Variants in KLF5 observed in about 807,000 individuals in gnomAD.
KLF5 encodes the protein KLF transcription factor 5, also known as Krueppel-like factor 5.
In KLF5, 9 loss-of-function variants were observed where a neutral mutation model predicts 36.9. The ratio of observed to expected loss-of-function variants is 0.24; its 90% CI spans 0.15 to 0.43. KLF5 has a LOEUF of 0.43. Ranked by LOEUF, KLF5 falls within the 20% of genes least tolerant of loss-of-function variation. The probability of loss-of-function intolerance (pLI) is 1.00; values close to 1 mark genes in which losing one functional copy is unlikely to be tolerated. For synonymous variants in KLF5, 246 were observed against 241.7 expected (o/e 1.02, Z -0.17); for missense variants, 524 against 599.5 (o/e 0.87, Z 1.31).
rs1268216525 is a variant in KLF5 at position 73,059,595 on chromosome 13, A to G, written c.261+7A>G. 4.4e-6 allele frequency: 5 copies of G among 1,147,988 alleles called. No individual in the cohort carries two copies. Among genetic ancestry groups the G allele is most frequent in the African/African-American group, 1.6e-5 (1 of 61,458 alleles). The allele number at this position is 1,147,988 out of a possible 1,614,324, so 71.1% of individuals were successfully genotyped here. On this transcript the variant is annotated splice_region_variant and intron_variant, in intron 1 of 3. Transcript: ENST00000377687. Reference sequence around the variant, plus strand: ...TCCAGAGGACCTGGTCCAGGTAGGAAGAGCCGCTCCCCTCCCACCGCAGCA... The same window carrying G: ...TCCAGAGGACCTGGTCCAGGTAGGAGGAGCCGCTCCCCTCCCACCGCAGCA...
intron 3 of KLF5, among the ~76,000 whole-genome samples, chr13:73,068,833 C>T (rs950266962): frequency 1.5e-4 from 22 of 151,556 alleles, no homozygotes; most frequent in African/African-American, 2.9e-4. Context: ...TGGCGGCTCA[C>T]GCCTGTAATC....
At position 73,077,490 on chromosome 13, in the gene KLF5, A is replaced by G. The variant is rs919250014; in HGVS notation, c.*1604A>G. The G allele has an allele frequency of 6.6e-6, 1 of 152,630 alleles. No individual in the cohort carries two copies. Among genetic ancestry groups the G allele is most frequent in the African/African-American group, 2.4e-5 (1 of 41,446 alleles). 9.5% of individuals were successfully genotyped at this position (152,630 alleles called of 1,614,324 possible). On this transcript the variant is annotated 3_prime_UTR_variant, in exon 4 of 4. Coordinates refer to ENST00000377687, the MANE Select transcript of KLF5 (RefSeq NM_001730.5). ...AATTTTTTGAGAGAATGAGATGTTTATATATTAACGACAATTTTTTTTTTG... is the reference window on the plus strand; with the variant it reads ...AATTTTTTGAGAGAATGAGATGTTTGTATATTAACGACAATTTTTTTTTTG...
chr13:73,058,001 T>C (rs1216141039), upstream of KLF5, among the ~76,000 whole-genome samples: 5 of 152,260 alleles, frequency 3.3e-5, no homozygotes, highest in Admixed American at 3.3e-4. Context: ...CTGCTCTGTG[T>C]CTATGTTTGC....
chr13:73,057,444 T>C (rs948189330), upstream of KLF5, among the ~76,000 whole-genome samples: 2 of 152,160 alleles, frequency 1.3e-5, no homozygotes, highest in African/African-American at 4.8e-5. Context: ...AATAATACTT[T>C]GATAACATGA....
At chr13:73,062,887 A>C (rs2044650359) in intron 2 of KLF5, among the ~76,000 whole-genome samples, 153 bp downstream of exon 2, 1 of 149,544 alleles carries the variant, frequency 6.7e-6, no homozygotes, top group East Asian at 1.9e-4. Flanking sequence ...AAAAAAAAAA[A>C]ATTACCTTTT....
intron 3 of KLF5, among the ~76,000 whole-genome samples, chr13:73,066,100 A>ATTGTTTT (rs2044677860): frequency 6.6e-6 from 1 of 152,168 alleles, no homozygotes; most frequent in Non-Finnish European, 1.5e-5. Flanking sequence ...AGTTTAATAA[A>ATTGTTTT]GTTTTGTTTG....
intron 1 of KLF5, among the ~76,000 whole-genome samples, chr13:73,061,059 T>TA (rs1258874773): frequency 6.6e-6 from 1 of 151,994 alleles, no homozygotes; most frequent in Non-Finnish European, 1.5e-5. Flanking sequence ...GTGCTAGGGA[T>TA]ACAGCAGCCT....
At chr13:73,065,311 A>G (rs990212603) in intron 3 of KLF5, among the ~76,000 whole-genome samples, 5 of 152,236 alleles carry the variant, frequency 3.3e-5, no homozygotes, top group African/African-American at 1.2e-4. Flanking sequence ...CCTAAGAGGA[A>G]TATGGTTGCA....
intron 3 of KLF5, among the ~76,000 whole-genome samples, chr13:73,069,234 T>C (rs1005994872): frequency 3.3e-5 from 5 of 152,202 alleles, no homozygotes; most frequent in Admixed American, 2.6e-4. Context: ...GGGAAAAGGG[T>C]AAAAGGCTTT....
intron 1 of KLF5, chr13:73,060,781 C>G (rs888933600): frequency 9.2e-5 from 14 of 152,168 alleles, no homozygotes; most frequent in African/African-American, 2.7e-4. Flanking sequence ...TCTTATCTTT[C>G]GAAATTTCCT....
intron 3 of KLF5, among the ~76,000 whole-genome samples, chr13:73,074,083 A>G (rs925673722): frequency 6.6e-6 from 1 of 152,198 alleles, no homozygotes; most frequent in South Asian, 2.1e-4. Context: ...AATCCATACC[A>G]TGGGAAATGT....
chr13:73,066,162 C>T (rs1053037894), intron 3 of KLF5, among the ~76,000 whole-genome samples: 2 of 152,162 alleles, frequency 1.3e-5, no homozygotes, highest in African/African-American at 4.8e-5. Context: ...GTTCATCTGG[C>T]TAAACCTGTT....
rs1254123916 is a variant in KLF5, at chr13:73,076,237, C to G, written c.*351C>G. 1 of 193,062 alleles carries G rather than the reference C, an allele frequency of 5.2e-6. No individual in the cohort carries two copies. The highest frequency in any genetic ancestry group is 1.0e-5 in the Non-Finnish European group (1 of 95,642). 12.0% of individuals were successfully genotyped at this position (193,062 alleles called of 1,614,324 possible). A position where few individuals can be genotyped will look rare whatever the true frequency, so the allele number is the denominator to read the frequency against. ...ATTTAATGTGACAGTGTTCAGTAAACAAATCAGTTGGCAGGCACCAGAAGA... is the reference window on the plus strand; with the variant it reads ...ATTTAATGTGACAGTGTTCAGTAAAGAAATCAGTTGGCAGGCACCAGAAGA... On this transcript the variant is annotated 3_prime_UTR_variant, in exon 4 of 4. Transcript: ENST00000377687.
At chr13:73,056,726 T>A (rs1244095893), upstream of KLF5, among the ~76,000 whole-genome samples, 1 of 152,202 alleles carries the variant, frequency 6.6e-6, no homozygotes, top group Non-Finnish European at 1.5e-5. Flanking sequence ...AGCAGGGCAT[T>A]TCAGAGAAAC....
chr13:73,068,391 A>T (rs1032472045), intron 3 of KLF5, among the ~76,000 whole-genome samples: 2 of 152,152 alleles, frequency 1.3e-5, no homozygotes, highest in Non-Finnish European at 2.9e-5. Flanking sequence ...TTTGGGTACT[A>T]AAAGATCCTT....
chr13:73,061,794 C>T (rs1209939013), intron 1 of KLF5, 67 bp from the exon 2 acceptor site: 9 of 1,487,072 alleles, frequency 6.1e-6, no homozygotes, highest in African/African-American at 4.2e-5. Context: ...TAGTAGGCGC[C>T]GATTGTTCGT....
intron 1 of KLF5, among the ~76,000 whole-genome samples, chr13:73,061,239 ATTG>A (rs1165822857): frequency 1.3e-5 from 2 of 152,220 alleles, no homozygotes; most frequent in African/African-American, 2.4e-5. Flanking sequence ...TGAATGTGAA[ATTG>A]TTTTGTTTCA....
At chr13:73,057,721 T>C (rs2044591579), upstream of KLF5, among the ~76,000 whole-genome samples, 1 of 152,222 alleles carries the variant, frequency 6.6e-6, no homozygotes, top group Non-Finnish European at 1.5e-5. Flanking sequence ...ATGAATAGGC[T>C]GTGGTATATG....
In KLF5 at chr13:73,062,131, C is replaced by T. The variant is rs1240348146; in HGVS notation, c.532C>T (p.Pro178Ser). The T allele has an allele frequency of 3.7e-6, 6 of 1,614,092 alleles. No homozygotes were observed. The highest frequency in any genetic ancestry group is 5.1e-6 in the Non-Finnish European group (6 of 1,180,028). The change falls in exon 2 of 4, where the codon CCT becomes TCT. Residue 178 changes from proline (P) to serine (S), a missense_variant. Pro to Ser is a moderately conservative substitution (Grantham distance 74). Around this residue, in one of 4 missense-constraint regions of KLF5, gnomAD observed 454 missense variants for 458.1 expected, o/e 0.99. Transcript: ENST00000377687. ...IFSHQSETTA[P>S]PPAPTQALPE... is the part of the protein sequence containing the mutation. ...CAGCCACCAGAGTGAAACGACTGCC[C>T]CTCCTCCGGCCCCGACCCAGGCCCT...
Sources: gnomAD v4.1 joint callset for allele counts (sites outside exome capture counted in the v4.1 genomes callset) on GRCh38, gnomAD v4.1.1 for gene constraint, gnomAD v4.1.1 regional missense constraint, MANE v1.5 for transcripts, NCBI Gene and HGNC (gene_info 2026-07-23, HGNC 2026-07-21) for gene names.